SRRM4: variants seen among roughly 807,000 people sequenced by gnomAD.
SRRM4 encodes serine/arginine repetitive matrix 4, also known as serine/arginine repetitive matrix protein 4.
A neutral mutation model predicts 68.9 loss-of-function variants in SRRM4; 33 were observed. The ratio of observed to expected loss-of-function variants is 0.48; its 90% confidence interval spans 0.36 to 0.64. The LOEUF is 0.64. Among genes scored for constraint, SRRM4 ranks in the 30% least tolerant of loss-of-function variants. The pLI is 0.00. For missense variants in SRRM4, 817 were observed against 827.1 expected, an observed-to-expected ratio of 0.99 and a Z score of 0.15; for synonymous variants, 318 against 318.8, an observed-to-expected ratio of 1.00 and a Z score of 0.03.
chr12:119,047,342 T>A (rs572549375), intron 1 of SRRM4, among the ~76,000 whole-genome samples: 26 of 152,222 alleles, frequency 1.7e-4, no homozygotes, highest in African/African-American at 2.4e-4. Context: ...AATTTTTTTT[T>A]AATTTCAATA....
intron 1 of SRRM4, among the ~76,000 whole-genome samples, chr12:119,007,066 C>A (rs976504303): frequency 2.6e-5 from 4 of 152,228 alleles, no homozygotes; most frequent in Non-Finnish European, 5.9e-5. Flanking sequence ...CCCTCCCCAG[C>A]AGCCCCTTAG....
rs542907257 is a variant in SRRM4 at position 119,025,167 on chromosome 12, T to C, written c.131+43154T>C. On this transcript the variant is annotated intron_variant, in intron 1 of 12. Transcript: ENST00000267260. ...TGTAGGGAAAGGGAGAATAAACAATTCCAGGAGAAAGAACATTTACATTGA... is the reference window on the plus strand; with the variant it reads ...TGTAGGGAAAGGGAGAATAAACAATCCCAGGAGAAAGAACATTTACATTGA... Among the ~76,000 whole-genome samples, 5 of 151,866 alleles carry C rather than the reference T, an allele frequency of 3.3e-5. No homozygotes were observed. The South Asian group carries it at 1.0e-3, about 32-fold the overall frequency.
intron 4 of SRRM4, among the ~76,000 whole-genome samples, chr12:119,117,898 G>C (rs1293922801): frequency 6.6e-6 from 1 of 151,880 alleles, no homozygotes; most frequent in African/African-American, 2.4e-5. Context: ...GCAGCAGAGT[G>C]AGACTCTGTC....
chr12:119,114,969 C>T (rs758870502), intron 3 of SRRM4, among the ~76,000 whole-genome samples: 2 of 151,794 alleles, frequency 1.3e-5, no homozygotes, highest in Non-Finnish European at 2.9e-5. Context: ...TGGCCGGAAG[C>T]ATAGTCTTTA....
rs76520103 is a variant in SRRM4, at chr12:119,098,895, C to G, written c.132-3341C>G. ...TATCCCCCACTCCATTGCTACTACACTGATCGGAGCTTGGACTATTGCAAC... is the reference window on the plus strand; with the variant it reads ...TATCCCCCACTCCATTGCTACTACAGTGATCGGAGCTTGGACTATTGCAAC... On this transcript the variant is annotated intron_variant, in intron 1 of 12. Transcript: ENST00000267260. Among the ~76,000 whole-genome samples, 910 of 152,280 alleles carry G rather than the reference C, an allele frequency of 6.0e-3. 8 individuals are homozygous for G. The highest frequency in any genetic ancestry group is 0.021 in the African/African-American group (872 of 41,546).
intron 1 of SRRM4, among the ~76,000 whole-genome samples, chr12:119,021,782 G>A (rs11611903): frequency 0.26 from 40,190 of 152,178 alleles, 6,103 homozygotes; most frequent in Middle Eastern, 0.46. Context: ...TGGCTGCATA[G>A]TATTCCATGG....
chr12:118,991,725 AG>A (rs1190607222), intron 1 of SRRM4: 2 of 152,272 alleles, frequency 1.3e-5, no homozygotes, highest in Non-Finnish European at 2.9e-5. Context: ...TCTGATTCAT[AG>A]GAGAATTGTT....
At chr12:119,045,495 C>A (rs1469709127) in intron 1 of SRRM4, among the ~76,000 whole-genome samples, 2 of 149,130 alleles carry the variant, frequency 1.3e-5, no homozygotes, top group Non-Finnish European at 3.0e-5. Flanking sequence ...CTCCCCCCCG[C>A]CCCAAAACAC....
chr12:119,121,439 T>C (rs1480526946), intron 5 of SRRM4, among the ~76,000 whole-genome samples: 1 of 152,200 alleles, frequency 6.6e-6, no homozygotes, highest in African/African-American at 2.4e-5. Flanking sequence ...ACTCAAAAAA[T>C]AATTTAAACG....
At chr12:119,075,040 A>C (rs1185868859) in intron 1 of SRRM4, among the ~76,000 whole-genome samples, 2 of 152,216 alleles carry the variant, frequency 1.3e-5, no homozygotes, top group Non-Finnish European at 2.9e-5. Flanking sequence ...GATTTGAGTG[A>C]GCCCTGATGG....
intron 1 of SRRM4, among the ~76,000 whole-genome samples, chr12:119,080,505 A>T (rs1416920459): frequency 5.9e-5 from 9 of 152,156 alleles, no homozygotes; most frequent in Non-Finnish European, 1.3e-4. Flanking sequence ...TGAAAGAGAA[A>T]CTCACAGATA....
intron 1 of SRRM4, among the ~76,000 whole-genome samples, chr12:119,017,559 T>G: frequency 6.6e-6 from 1 of 151,574 alleles, no homozygotes; most frequent in South Asian, 2.1e-4. Flanking sequence ...TGTAAGGGGG[T>G]GGCAGGAGTG....
intron 8 of SRRM4, among the ~76,000 whole-genome samples, chr12:119,144,101 G>A (rs1281793514): frequency 6.6e-6 from 1 of 151,948 alleles, no homozygotes; most frequent in African/African-American, 2.4e-5. Context: ...CTCCTTCATT[G>A]GTCCTAGATC....
chr12:119,087,789 A>G (rs958441550), intron 1 of SRRM4, among the ~76,000 whole-genome samples: 4 of 152,048 alleles, frequency 2.6e-5, no homozygotes, highest in African/African-American at 9.7e-5. Flanking sequence ...GTCTGTCTGG[A>G]GTGGGGCCCA....
chr12:119,120,212 G>A (rs1405687944), intron 4 of SRRM4, 38 bp from the exon 5 acceptor site: 2 of 1,283,970 alleles, frequency 1.6e-6, no homozygotes, highest in South Asian at 1.5e-5. Context: ...TTTTTTCTTT[G>A]ATTCTTCTTT....
At chr12:119,102,998 G>A (rs1954086059) in intron 2 of SRRM4, among the ~76,000 whole-genome samples, 2 of 152,116 alleles carry the variant, frequency 1.3e-5, no homozygotes, top group South Asian at 4.1e-4. Flanking sequence ...CAGCCACTAA[G>A]TGGCAGAGTG....
intron 1 of SRRM4, among the ~76,000 whole-genome samples, chr12:119,040,528 T>G (rs148244909): frequency 5.9e-4 from 90 of 152,350 alleles, no homozygotes; most frequent in African/African-American, 2.1e-3. Context: ...TGCTGTTAAT[T>G]CATTCCTTTT....
chr12:119,044,319 T>C (rs1445503695), intron 1 of SRRM4, among the ~76,000 whole-genome samples: 3 of 152,148 alleles, frequency 2.0e-5, no homozygotes, highest in Non-Finnish European at 4.4e-5. Flanking sequence ...CTCTTGCCCT[T>C]AGATGCAGCT....
chr12:119,138,717 C>T (rs1274797191), intron 8 of SRRM4, among the ~76,000 whole-genome samples: 2 of 152,220 alleles, frequency 1.3e-5, no homozygotes, highest in African/African-American at 4.8e-5. Flanking sequence ...ACAGAGGTTC[C>T]TTGCCCTCTC....
Sources: allele counts gnomAD v4.1 joint callset (sites outside exome capture counted in the v4.1 genomes callset), GRCh38; gene constraint gnomAD v4.1.1; transcripts MANE v1.5; gene names NCBI Gene and HGNC (gene_info 2026-07-23, HGNC 2026-07-21).